The following IQGAP1 variants were observed in gnomAD, a reference collection of about 807,000 sequenced individuals.
IQGAP1 encodes the protein ras GTPase-activating-like protein IQGAP1.
A neutral mutation model predicts 215.6 loss-of-function variants in IQGAP1; 66 were observed. That is an observed-to-expected ratio of 0.31 (90% CI 0.25 to 0.38). The LOEUF is 0.38. Among genes scored for constraint, IQGAP1 ranks in the 10% least tolerant of loss-of-function variants. The pLI is 1.00. For missense variants in IQGAP1, 1,712 were observed against 1,997.1 expected, an observed-to-expected ratio of 0.86 and a Z score of 2.72; for synonymous variants, 772 against 728.7, an observed-to-expected ratio of 1.06 and a Z score of -0.96.
chr15:90,407,216 A>G lies in IQGAP1; in HGVS notation c.155+16343A>G, dbSNP rs550081181. Among the ~76,000 whole-genome samples, 4 of 152,338 alleles carry G rather than the reference A, an allele frequency of 2.6e-5. No individual in the cohort carries two copies. In the East Asian group the frequency reaches 5.8e-4, roughly 22 times the overall value. ...TTGCTCTGGGATGAGAGCGTGTTCG[A>G]TGAGTATGACCAGGATGATAAAGGG... is the stretch of plus-strand genomic sequence containing the variant. On this transcript the variant is annotated intron_variant, in intron 2 of 37. Coordinates refer to ENST00000268182, the MANE Select transcript of IQGAP1 (RefSeq NM_003870.4).
chr15:90,431,113 T>C (rs1053501836), intron 4 of IQGAP1: 1 of 150,514 alleles, frequency 6.6e-6, no homozygotes, highest in Non-Finnish European at 1.5e-5. Flanking sequence ...TATATTGATA[T>C]GTATACAATA....
chr15:90,436,093 A>AT (rs368827746), intron 5 of IQGAP1, among the ~76,000 whole-genome samples: 56 of 138,338 alleles, frequency 4.0e-4, no homozygotes, highest in African/African-American at 1.5e-3. Context: ...TAAAGTCTTG[A>AT]TTGGCATTAT....
rs1250299566 is a variant in IQGAP1 at position 90,453,129 on chromosome 15, C to T, written c.1327-3C>T. On this transcript the variant is annotated splice_polypyrimidine_tract_variant and splice_region_variant and intron_variant, in intron 12 of 37. Transcript: ENST00000268182. ...GTTTTCCCTTCTGTCCCTTTCTGTA[C>T]AGCATAATCTCACCCACCCAGAGCT... is the stretch of plus-strand genomic sequence containing the variant. The T allele has an allele frequency of 6.2e-7, 1 of 1,607,602 alleles. No homozygotes were observed. Among genetic ancestry groups the T allele is most frequent in the South Asian group, 1.1e-5 (1 of 89,718 alleles).
chr15:90,409,064 G>A (rs1964919935), intron 2 of IQGAP1, among the ~76,000 whole-genome samples: 1 of 151,876 alleles, frequency 6.6e-6, no homozygotes, highest in African/African-American at 2.4e-5. Context: ...TTGTCTTCTA[G>A]GGTTCTTATT....
intron 2 of IQGAP1, among the ~76,000 whole-genome samples, chr15:90,401,770 C>T (rs577835446): frequency 3.9e-4 from 60 of 152,346 alleles, no homozygotes; most frequent in Non-Finnish European, 6.8e-4. Flanking sequence ...GAAGTCCTTT[C>T]TCTTAACTGC....
chr15:90,390,968 C>T (rs1367592102), intron 2 of IQGAP1, 95 bp downstream of exon 2: 10 of 816,228 alleles, frequency 1.2e-5, no homozygotes, highest in East Asian at 5.2e-5. Context: ...ACACAGTGGT[C>T]CATGCCTGTA....
rs570942390 is a variant in IQGAP1 at position 90,438,747 on chromosome 15, C to T, written c.468-585C>T. On this transcript the variant is annotated intron_variant, in intron 5 of 37. Coordinates refer to ENST00000268182, the MANE Select transcript of IQGAP1 (RefSeq NM_003870.4). The stretch of plus-strand genomic sequence containing the variant: ...GTTAACATCTTTTTTTTTTTTGAAA[C>T]GGAATCTCACACTGTTGCCCAGGCT... Among the ~76,000 whole-genome samples the T allele has an allele frequency of 3.7e-4, 55 of 149,374 alleles. 1 individual carries two copies. In the South Asian group the frequency reaches 9.9e-3, roughly 27 times the overall value.
At position 90,466,467 on chromosome 15, in the gene IQGAP1, G is replaced by A. The variant is rs1421784053; in HGVS notation, c.2035+31G>A. On this transcript the variant is annotated intron_variant, in intron 17 of 37. Coordinates refer to ENST00000268182, the MANE Select transcript of IQGAP1 (RefSeq NM_003870.4). ...TTCTGGGATAATACATATGTGCCCT[G>A]AAGCTAACCCTTGAGTATATGAGGG... 3.7e-5 allele frequency: 60 copies of A among 1,609,208 alleles called. 1 individual carries two copies. In the Admixed American group the frequency reaches 1.0e-3, roughly 27 times the overall value.
In IQGAP1 at chr15:90,452,932, T is replaced by G. The variant is rs745368808; in HGVS notation, c.1320T>G (p.Ser440Arg). The change falls in exon 12 of 38, where the codon AGT becomes AGG. Residue 440 changes from serine to arginine, a missense_variant. Transcript: ENST00000268182. ...AGCTGGCTACCCTGCAGCGACAAAG[T>G]CCTGAAGTGAGTTCACTAAACCTGT... ...QKELATLQRQ[S>R]PEHNLTHPEL... 6.8e-6 allele frequency: 11 copies of G among 1,613,732 alleles called. No homozygotes were observed. In the South Asian group the frequency reaches 1.2e-4, roughly 18 times the overall value.
chr15:90,450,330 C>CTTTTTTTTTTTTTTTTTTTTTTTTTT (rs869037347), intron 11 of IQGAP1, among the ~76,000 whole-genome samples: 1 of 54,424 alleles, frequency 1.8e-5, no homozygotes, highest in African/African-American at 7.9e-5. Context: ...TATACACTAC[C>CTTTTTTTTTTTTTTTTTTTTTTTTTT]TTTTTTTTTT....
In IQGAP1 at chr15:90,466,252, G is replaced by A. The variant is rs2074585; in HGVS notation, c.1868-17G>A. Reference sequence around the variant, plus strand: ...CACTCTCTAAACTATTCTGGTAACAGTTCTTTCCCGAAATAGTTGCCTTAG... The same window carrying A: ...CACTCTCTAAACTATTCTGGTAACAATTCTTTCCCGAAATAGTTGCCTTAG... On this transcript the variant is annotated splice_polypyrimidine_tract_variant and intron_variant, in intron 16 of 37. Transcript: ENST00000268182. 909,019 of 1,610,840 alleles carry A rather than the reference G, an allele frequency of 0.56. 266,973 individuals are homozygous for A. Among genetic ancestry groups the A allele is most frequent in the African/African-American group, 0.93 (69,370 of 74,964 alleles).
At chr15:90,443,750 A>C (rs1965485349) in intron 9 of IQGAP1, among the ~76,000 whole-genome samples, 3 of 152,092 alleles carry the variant, frequency 2.0e-5, no homozygotes, top group Admixed American at 2.0e-4. Flanking sequence ...CATGCTTTTA[A>C]ATATTATTTT....
intron 15 of IQGAP1, among the ~76,000 whole-genome samples, chr15:90,459,546 G>A (rs893723051): frequency 6.6e-6 from 1 of 152,198 alleles, no homozygotes; most frequent in Non-Finnish European, 1.5e-5. Context: ...AGAGTTTGAA[G>A]CATTTCCTTT....
At chr15:90,494,692 G>A (rs1472294151) in intron 35 of IQGAP1, 21 bp from the exon 36 acceptor site, 3 of 1,589,444 alleles carry the variant, frequency 1.9e-6, no homozygotes, top group South Asian at 1.1e-5. Flanking sequence ...TATAGAAAGT[G>A]ACATGATGTG....
rs1349568815 is a variant in IQGAP1 at position 90,501,966 on chromosome 15, A to G, written c.*1858A>G. ...GAATAGTGTAAAATGCGCTTCAAGA[A>G]TGTTGATGATGATGATATAGAATTG... On this transcript the variant is annotated 3_prime_UTR_variant, in exon 38 of 38. Coordinates refer to ENST00000268182, the MANE Select transcript of IQGAP1 (RefSeq NM_003870.4). 1.3e-5 allele frequency: 2 copies of G among 152,500 alleles called. No individual in the cohort carries two copies. The highest frequency in any genetic ancestry group is 2.9e-5 in the Non-Finnish European group (2 of 68,044). The allele number at this position is 152,500 out of a possible 1,614,324, so 9.4% of individuals were successfully genotyped here. A position where few individuals can be genotyped will look rare whatever the true frequency, so the allele number is the denominator to read the frequency against.
chr15:90,489,353 C>CT (rs1393385604), intron 33 of IQGAP1, among the ~76,000 whole-genome samples: 2 of 152,094 alleles, frequency 1.3e-5, no homozygotes, highest in African/African-American at 4.8e-5. Context: ...GTCTCAAACT[C>CT]TTGACCTCAA....
chr15:90,461,981 C>A (rs60726493), intron 15 of IQGAP1, among the ~76,000 whole-genome samples: 17 of 109,592 alleles, frequency 1.6e-4, no homozygotes, highest in African/African-American at 1.9e-4. Flanking sequence ...CTACTAAAAA[C>A]ACAAAAAAAA....
Position 90,452,648 on chromosome 15 carries a change from A to G in IQGAP1, c.1163-127A>G, listed in dbSNP as rs1340767373. 2.2e-5 allele frequency: 23 copies of G among 1,059,778 alleles called. No individual in the cohort carries two copies. The South Asian group carries it at 2.6e-4, about 12-fold the overall frequency. 65.6% of individuals were successfully genotyped at this position (1,059,778 alleles called of 1,614,324 possible). ...AAAGGAGGCTGCTTTTTTAAAGACG[A>G]AAGTTCCACTTCAAACTTCATGGCT... On this transcript the variant is annotated intron_variant, in intron 11 of 37. Coordinates refer to ENST00000268182, the MANE Select transcript of IQGAP1 (RefSeq NM_003870.4).
chr15:90,444,603 A>T (rs1206257758), intron 9 of IQGAP1, among the ~76,000 whole-genome samples: 1 of 152,184 alleles, frequency 6.6e-6, no homozygotes, highest in African/African-American at 2.4e-5. Context: ...TATTTAAACA[A>T]AAATGAGATT....
Sources: gnomAD v4.1 joint callset for allele counts (sites outside exome capture counted in the v4.1 genomes callset) on GRCh38, gnomAD v4.1.1 for gene constraint, MANE v1.5 for transcripts, NCBI Gene and HGNC (gene_info 2026-07-23, HGNC 2026-07-21) for gene names.